IKBIP: variants seen among roughly 807,000 people sequenced by gnomAD.
IKBIP encodes IKBKB interacting protein.
Under a neutral mutation model 31.0 loss-of-function variants are expected in IKBIP, and 28 were observed. The ratio of observed to expected loss-of-function variants is 0.90; its 90% CI spans 0.67 to 1.24. IKBIP has a LOEUF of 1.24. IKBIP is among the 50% of genes most tolerant of loss of function. IKBIP has a pLI of 0.00. For synonymous variants in IKBIP, 164 were observed against 160.3 expected (o/e 1.02, Z -0.17); for missense variants, 453 against 441.9 (o/e 1.03, Z -0.23).
downstream of IKBIP, among the ~76,000 whole-genome samples, chr12:98,620,647 G>A (rs998686494): frequency 1.3e-5 from 2 of 152,096 alleles, no homozygotes; most frequent in African/African-American, 4.8e-5. Context: ...TTACAGGCGT[G>A]GGCCACTGCA....
At chr12:98,616,909 A>G (rs974184406) in intron 2 of IKBIP, among the ~76,000 whole-genome samples, 5 of 152,090 alleles carry the variant, frequency 3.3e-5, no homozygotes, top group African/African-American at 1.2e-4. Flanking sequence ...GAGATCGGGT[A>G]GTGTGATGTC....
intron 2 of IKBIP, among the ~76,000 whole-genome samples, chr12:98,631,791 CA>C (rs750178337): frequency 0.011 from 888 of 81,754 alleles, 4 homozygotes; most frequent in Non-Finnish European, 0.013. Context: ...ACCTCCCCCA[CA>C]AAAAAAAAAA....
intron 1 of IKBIP, among the ~76,000 whole-genome samples, chr12:98,643,145 G>A (rs2097632122): frequency 6.6e-6 from 1 of 151,574 alleles, no homozygotes; most frequent in South Asian, 2.1e-4. Context: ...TAGAGACAGG[G>A]TTTCACCATG....
At chr12:98,639,541 C>T (rs2097628623) in intron 1 of IKBIP, among the ~76,000 whole-genome samples, 1 of 152,208 alleles carries the variant, frequency 6.6e-6, no homozygotes, top group African/African-American at 2.4e-5. Flanking sequence ...TTCCTGACTC[C>T]TTCATGAGCC....
At chr12:98,619,873 GA>G (rs562387976), downstream of IKBIP, among the ~76,000 whole-genome samples, 5,802 of 69,034 alleles carry the variant, frequency 0.084, 240 homozygotes, top group African/African-American at 0.2. Context: ...CCCTTTCTCA[GA>G]AAAAAAAAAA....
chr12:98,634,467 A>G, intron 1 of IKBIP, 54 bp from the exon 2 acceptor site: 1 of 901,156 alleles, frequency 1.1e-6, no homozygotes, highest in Non-Finnish European at 1.8e-6. Context: ...TTTAAATCCG[A>G]ATTTCAAAGG....
rs1278419982 is a variant in IKBIP at position 98,625,467 on chromosome 12, A to G, written c.*463T>C. On this transcript the variant is annotated 3_prime_UTR_variant, in exon 3 of 3. Coordinates refer to ENST00000299157, the MANE Select transcript of IKBIP (RefSeq NM_153687.4). ...TGCAGTGAATTACCTAAGAAAGTGAACTGGCTGAGGCAGGCACATTACCAA... is the reference window on the plus strand; with the variant it reads ...TGCAGTGAATTACCTAAGAAAGTGAGCTGGCTGAGGCAGGCACATTACCAA... 2 of 238,298 alleles carry G rather than the reference A, an allele frequency of 8.4e-6. No individual in the cohort carries two copies. The highest frequency in any genetic ancestry group is 1.4e-5 in the Non-Finnish European group (2 of 146,956). 14.8% of individuals were successfully genotyped at this position (238,298 alleles called of 1,614,324 possible).
intron 1 of IKBIP, among the ~76,000 whole-genome samples, chr12:98,640,441 TCAAAACAAAACAAAA>T (rs71931367): frequency 0.016 from 2,368 of 149,152 alleles, 34 homozygotes; most frequent in African/African-American, 0.035. Flanking sequence ...ACTCCATCTC[TCAAAACAAAACAAAA>T]CAAAACAAAA....
At chr12:98,633,757 T>G (rs2097623297) in intron 2 of IKBIP, among the ~76,000 whole-genome samples, 1 of 152,078 alleles carries the variant, frequency 6.6e-6, no homozygotes, top group Non-Finnish European at 1.5e-5. Context: ...CCTCAAGTGA[T>G]TTGCCTGGCT....
intron 2 of IKBIP, among the ~76,000 whole-genome samples, chr12:98,628,921 A>G (rs115199372): frequency 1.7e-3 from 252 of 152,344 alleles, no homozygotes; most frequent in African/African-American, 5.6e-3. Context: ...TAGCGTCACA[A>G]AAGAATTAGC....
Position 98,626,606 on chromosome 12 carries a change from T to C in IKBIP, c.458A>G (p.Gln153Arg). ...QRMQSLNEKF[Q>R]NITDFWKRSL... ...TCTCTTCCAGAAATCCGTAATATTC[T>C]GAAATTTCTCATTAAGGCTTTGCAT... Residue 153 changes from glutamine to arginine, a missense_variant, in exon 3 of 3, where the codon CAG becomes CGG. Physicochemically the swap from Gln to Arg is conservative, Grantham distance 43 (BLOSUM62 1). Transcript: ENST00000299157. 1 of 1,613,816 alleles carries C rather than the reference T, an allele frequency of 6.2e-7. No individual in the cohort carries two copies. Among genetic ancestry groups the C allele is most frequent in the Non-Finnish European group, 8.5e-7 (1 of 1,179,996 alleles).
chr12:98,634,342 T>G lies in IKBIP; in HGVS notation c.251A>C (p.Asn84Thr). ...NQYQLLKLET[N>T]EFQQLQSKIS... The stretch of plus-strand genomic sequence containing the variant: ...TTTACTTTGAAGTTGTTGGAATTCA[T>G]TGGTTTCTAGTTTCAGTAACTGGTA... The change falls in exon 2 of 3, where the codon AAT (asparagine) becomes ACT (threonine). Residue 84 changes from asparagine to threonine, a missense_variant. Physicochemically the swap from Asn to Thr is moderately conservative, Grantham distance 65. Transcript: ENST00000299157. 1 of 1,604,308 alleles carries G rather than the reference T, an allele frequency of 6.2e-7. No individual in the cohort carries two copies. Among genetic ancestry groups the G allele is most frequent in the South Asian group, 1.1e-5 (1 of 90,538 alleles).
chr12:98,616,620 T>G (rs1251212267), intron 2 of IKBIP, among the ~76,000 whole-genome samples: 3 of 152,208 alleles, frequency 2.0e-5, no homozygotes, highest in African/African-American at 7.2e-5. Flanking sequence ...CAATTTCTGG[T>G]GTTACATTTA....
At chr12:98,642,489 G>A (rs1036014783) in intron 1 of IKBIP, among the ~76,000 whole-genome samples, 2 of 151,636 alleles carry the variant, frequency 1.3e-5, no homozygotes, top group Non-Finnish European at 2.9e-5. Context: ...AGGAGGTCAA[G>A]CATTTTAAGG....
intron 1 of IKBIP, among the ~76,000 whole-genome samples, chr12:98,644,067 T>C (rs1013707687): frequency 1.3e-5 from 2 of 152,192 alleles, no homozygotes; most frequent in Non-Finnish European, 2.9e-5. Flanking sequence ...TCCACCTGCC[T>C]CGGTCTCCAA....
intron 2 of IKBIP, among the ~76,000 whole-genome samples, chr12:98,618,994 T>C (rs1346364209): frequency 2.6e-5 from 4 of 152,208 alleles, no homozygotes; most frequent in Admixed American, 2.6e-4. Context: ...CGCCCCATCA[T>C]AAATGTTTAA....
At chr12:98,637,046 CTTTCG>C (rs2097626348) in intron 1 of IKBIP, among the ~76,000 whole-genome samples, 1 of 152,136 alleles carries the variant, frequency 6.6e-6, no homozygotes, top group East Asian at 1.9e-4. Flanking sequence ...TTATAAGAGA[CTTTCG>C]TATGAAGGTT....
chr12:98,639,513 G>A (rs2097628612), intron 1 of IKBIP, among the ~76,000 whole-genome samples: 2 of 152,174 alleles, frequency 1.3e-5, no homozygotes, highest in Admixed American at 1.3e-4. Flanking sequence ...TTTTAGCGTA[G>A]GCCTTACAAA....
rs200080633 is a variant in IKBIP, at chr12:98,634,367, A to G, written c.226T>C (p.Tyr76His). The G allele has an allele frequency of 2.9e-4, 461 of 1,607,316 alleles. 4 individuals are homozygous for G. In the East Asian group the frequency reaches 8.8e-3, roughly 31 times the overall value. The change falls in exon 2 of 3, where the codon TAC becomes CAC. Residue 76 changes from tyrosine to histidine, a missense_variant. Tyr to His is a moderately conservative substitution (Grantham distance 83, BLOSUM62 2). Coordinates refer to ENST00000299157, the MANE Select transcript of IKBIP (RefSeq NM_153687.4). The stretch of plus-strand genomic sequence containing the variant: ...TTGGTTTCTAGTTTCAGTAACTGGT[A>G]TTGGTTTTCCACCTTTGCAAATTTT... ...SEKFAKVENQYQLLKLETNEF... is the reference protein window; with the variant it reads ...SEKFAKVENQHQLLKLETNEF...
Sources: gnomAD v4.1 joint callset for allele counts (sites outside exome capture counted in the v4.1 genomes callset) on GRCh38, gnomAD v4.1.1 for gene constraint, MANE v1.5 for transcripts, NCBI Gene and HGNC (gene_info 2026-07-23, HGNC 2026-07-21) for gene names.